The following FBLN7 variants were observed in gnomAD, a reference collection of about 807,000 sequenced individuals.
FBLN7 encodes fibulin-7.
FBLN7 carries 31 observed loss-of-function variants against 44.0 expected under a neutral mutation model. That is an observed-to-expected ratio of 0.70 (90% CI 0.53 to 0.95). FBLN7 has a LOEUF of 0.95. Among genes scored for constraint, FBLN7 ranks in the 40% least tolerant of loss-of-function variants. The pLI, the probability that FBLN7 is intolerant of heterozygous loss-of-function variation, is 0.00. For synonymous variants in FBLN7, 262 were observed against 253.4 expected (o/e 1.03, Z -0.32); for missense variants, 573 against 618.5 (o/e 0.93, Z 0.78).
the FBLN7 span, among the ~76,000 whole-genome samples, chr2:112,205,848 G>C: frequency 2.0e-5 from 3 of 152,092 alleles, no homozygotes; most frequent in Admixed American, 2.0e-4. Flanking sequence ...TTGTCTATAC[G>C]TACAAAAAAT....
chr2:112,161,492 G>A (rs1406100154), intron 2 of FBLN7, among the ~76,000 whole-genome samples: 2 of 152,148 alleles, frequency 1.3e-5, no homozygotes, highest in African/African-American at 2.4e-5. Context: ...GTGCAGGCAG[G>A]GTGTCTTTCC....
At chr2:112,215,951 TA>T in the FBLN7 span, 7 of 152,132 alleles carry the variant, frequency 4.6e-5, no homozygotes, top group Non-Finnish European at 7.4e-5. Context: ...GAAACTGGTT[TA>T]AAAAAATCAT....
At chr2:112,199,883 C>G in the FBLN7 span, among the ~76,000 whole-genome samples, 2 of 152,144 alleles carry the variant, frequency 1.3e-5, no homozygotes, top group African/African-American at 2.4e-5. Context: ...CTGCTGTTGC[C>G]CTCTCACCAT....
chr2:112,180,166 G>C (rs1336307511), intron 4 of FBLN7, among the ~76,000 whole-genome samples: 1 of 152,130 alleles, frequency 6.6e-6, no homozygotes, highest in Non-Finnish European at 1.5e-5. Flanking sequence ...CCATTAAAAA[G>C]TGGGCAACGT....
At chr2:112,170,173 C>T (rs1035331635) in intron 3 of FBLN7, among the ~76,000 whole-genome samples, 12 of 151,932 alleles carry the variant, frequency 7.9e-5, no homozygotes, top group African/African-American at 2.7e-4. Flanking sequence ...ACCCGGGAGG[C>T]GGAGATTGCA....
At chr2:112,232,025 T>A in the FBLN7 span, 2 of 850,686 alleles carry the variant, frequency 2.4e-6, no homozygotes, top group Non-Finnish European at 1.7e-6. Context: ...TTATTTTTCC[T>A]AAATAAAGAC....
At chr2:112,157,114 A>T (rs74527649) in intron 1 of FBLN7, among the ~76,000 whole-genome samples, 13,472 of 152,288 alleles carry the variant, frequency 0.088, 794 homozygotes, top group Non-Finnish European at 0.14. Context: ...TCACACCTGT[A>T]ATCCCAGCGC....
At chr2:112,161,990 A>C (rs1362888080) in intron 2 of FBLN7, among the ~76,000 whole-genome samples, 1 of 152,184 alleles carries the variant, frequency 6.6e-6, no homozygotes, top group African/African-American at 2.4e-5. Context: ...ACACCTGCCC[A>C]GATCAAATGG....
At chr2:112,188,541 G>A (rs922161671), downstream of FBLN7, 3 of 152,092 alleles carry the variant, frequency 2.0e-5, no homozygotes, top group Admixed American at 6.5e-5. Flanking sequence ...GGTGTGGTAG[G>A]ATGGGGTATG....
At chr2:112,160,800 GCA>G (rs1558880499) in intron 2 of FBLN7, among the ~76,000 whole-genome samples, 2 of 117,302 alleles carry the variant, frequency 1.7e-5, no homozygotes, top group Non-Finnish European at 3.8e-5. Flanking sequence ...ACGCACACAC[GCA>G]CGCACACACA....
intron 1 of FBLN7, among the ~76,000 whole-genome samples, chr2:112,145,743 A>G (rs1207073150): frequency 6.6e-6 from 1 of 152,178 alleles, no homozygotes; most frequent in African/African-American, 2.4e-5. Context: ...CTTGAGGGCC[A>G]ATTTTTCATG....
At chr2:112,204,498 C>T in the FBLN7 span, among the ~76,000 whole-genome samples, 1 of 151,862 alleles carries the variant, frequency 6.6e-6, no homozygotes, top group African/African-American at 2.4e-5. Context: ...ACAAAAAGAT[C>T]CACACTTAGA....
the FBLN7 span, among the ~76,000 whole-genome samples, chr2:112,220,677 C>T: frequency 6.6e-6 from 1 of 152,098 alleles, no homozygotes; most frequent in Non-Finnish European, 1.5e-5. Flanking sequence ...CAAAATTAGC[C>T]AGGCATGGTG....
At chr2:112,219,818 T>G in the FBLN7 span, among the ~76,000 whole-genome samples, 2 of 152,164 alleles carry the variant, frequency 1.3e-5, no homozygotes, top group African/African-American at 4.8e-5. Context: ...GTCCCAAACA[T>G]CTTTGTTACT....
At chr2:112,185,172 T>C in intron 6 of FBLN7, 29 bp from the exon 7 acceptor site, 1 of 1,599,078 alleles carries the variant, frequency 6.3e-7, no homozygotes, top group East Asian at 2.3e-5. Context: ...TCAGGGCGAT[T>C]CTCACCTGTT....
chr2:112,222,010 G>A, the FBLN7 span, among the ~76,000 whole-genome samples: 1 of 152,042 alleles, frequency 6.6e-6, no homozygotes, highest in African/African-American at 2.4e-5. Flanking sequence ...TTCAATCTTT[G>A]AAGTTGCTGT....
downstream of FBLN7, chr2:112,189,963 C>G (rs1683431799): frequency 6.6e-6 from 1 of 152,094 alleles, no homozygotes; most frequent in African/African-American, 2.4e-5. Context: ...TGCAGTAGGT[C>G]TATGCACTGT....
At chr2:112,169,773 G>A (rs1341656654) in intron 3 of FBLN7, among the ~76,000 whole-genome samples, 1 of 152,114 alleles carries the variant, frequency 6.6e-6, no homozygotes, top group East Asian at 1.9e-4. Flanking sequence ...GCGAGCTGAC[G>A]TTTGTGGTGA....
chr2:112,196,050 C>A, the FBLN7 span, among the ~76,000 whole-genome samples: 1 of 152,204 alleles, frequency 6.6e-6, no homozygotes, highest in African/African-American at 2.4e-5. Context: ...TCTCTCTCCT[C>A]TCATATGGCC....
Sources: gnomAD v4.1 joint callset for allele counts (sites outside exome capture counted in the v4.1 genomes callset) on GRCh38, gnomAD v4.1.1 for gene constraint, MANE v1.5 for transcripts, NCBI Gene and HGNC (gene_info 2026-07-23, HGNC 2026-07-21) for gene names.